SYT17: variants seen among roughly 807,000 people sequenced by gnomAD.
The protein encoded by SYT17 is synaptotagmin 17.
A neutral mutation model predicts 46.7 loss-of-function variants in SYT17; 22 were observed. The observed-to-expected ratio is 0.47, with a 90% CI of 0.34 to 0.67. SYT17 has a LOEUF of 0.67. Among genes scored for constraint, SYT17 ranks in the 30% least tolerant of loss-of-function variants. The pLI, the probability that SYT17 is intolerant of heterozygous loss-of-function variation, is 0.01. For missense variants in SYT17, 519 were observed against 612.8 expected, an observed-to-expected ratio of 0.85 and a Z score of 1.62; for synonymous variants, 251 against 248.4, an observed-to-expected ratio of 1.01 and a Z score of -0.10.
Position 19,183,848 on chromosome 16 carries a change from G to T in SYT17, c.652G>T (p.Asp218Tyr). The change falls in exon 5 of 8, where the codon GAT (aspartate) becomes TAT (tyrosine). Residue 218 changes from aspartate to tyrosine, a missense_variant. Transcript: ENST00000355377. The surrounding 1 kb of genome is among the most constrained non-coding windows in gnomAD (Gnocchi z 5.6). ...ARDLPPPISH[D>Y]GSRQDMAHSN... ...GGACCTGCCACCTCCCATCTCCCAC[G>T]ATGGCTCGCGCCAGGACATGGCGCA... The T allele has an allele frequency of 1.2e-6, 2 of 1,614,116 alleles. No individual in the cohort carries two copies. Among genetic ancestry groups the T allele is most frequent in the Non-Finnish European group, 1.7e-6 (2 of 1,180,036 alleles).
At chr16:19,206,401 GGCT>G (rs1965672952) in intron 5 of SYT17, among the ~76,000 whole-genome samples, 1 of 152,196 alleles carries the variant, frequency 6.6e-6, no homozygotes, top group Admixed American at 6.5e-5. Flanking sequence ...TCAGCGGCAT[GGCT>G]GAGGTCACAC....
intron 3 of SYT17, among the ~76,000 whole-genome samples, chr16:19,179,769 A>G (rs1964472911): frequency 6.6e-6 from 1 of 152,142 alleles, no homozygotes; most frequent in South Asian, 2.1e-4. Context: ...CCACCCCTAC[A>G]TCCTCCTTCC....
At chr16:19,264,960 C>T (rs1326247770) in intron 7 of SYT17, among the ~76,000 whole-genome samples, 1 of 152,124 alleles carries the variant, frequency 6.6e-6, no homozygotes, top group Non-Finnish European at 1.5e-5. Flanking sequence ...AGGGAAGTTT[C>T]TGCATTGTCA....
chr16:19,184,167 T>G lies in SYT17; in HGVS notation c.951+20T>G. On this transcript the variant is annotated intron_variant, in intron 5 of 7. Transcript: ENST00000355377. ...TCTCAGGTAAGGGATGGGTTTGTGGTGTTTCCTCCTGGGAGCTTTTTTAAA... is the reference window on the plus strand; with the variant it reads ...TCTCAGGTAAGGGATGGGTTTGTGGGGTTTCCTCCTGGGAGCTTTTTTAAA... 1 of 1,580,946 alleles carries G rather than the reference T, an allele frequency of 6.3e-7. No homozygotes were observed. The highest frequency in any genetic ancestry group is 8.6e-7 in the Non-Finnish European group (1 of 1,161,570).
In SYT17 at chr16:19,252,406, TATATATATACATATATATATAC is replaced by T. The variant is rs1968170789; in HGVS notation, c.1229-14454_1229-14433del. On this transcript the variant is annotated intron_variant, in intron 7 of 7. Coordinates refer to ENST00000355377, the MANE Select transcript of SYT17 (RefSeq NM_016524.4). Reference sequence around the variant, plus strand: ...ATATATATATATACATATATATACATATATATATACATATATATATACATATATATACATATATATACACATA... The same window carrying T: ...ATATATATATATACATATATATACATATATATATACATATATATACACATA... Among the ~76,000 whole-genome samples the T allele has an allele frequency of 1.8e-4, 4 of 22,840 alleles. 1 individual carries two copies. The highest frequency in any genetic ancestry group is 2.6e-4 in the Non-Finnish European group (4 of 15,444). The allele number at this position is 22,840 out of a possible 152,430, so 15.0% of individuals were successfully genotyped here. A position where few individuals can be genotyped will look rare whatever the true frequency, so the allele number is the denominator to read the frequency against.
intron 7 of SYT17, among the ~76,000 whole-genome samples, chr16:19,239,960 C>T (rs1342103776): frequency 6.6e-6 from 1 of 152,240 alleles, no homozygotes; most frequent in African/African-American, 2.4e-5. Context: ...CACTGCGAGG[C>T]TGCGGCTGGA....
chr16:19,195,532 AT>A (rs1442936580), intron 5 of SYT17, among the ~76,000 whole-genome samples: 1 of 152,084 alleles, frequency 6.6e-6, no homozygotes, highest in Non-Finnish European at 1.5e-5. Context: ...CCTGGCCAAC[AT>A]GGTGAAACCT....
chr16:19,249,363 C>T (rs1967859846), intron 7 of SYT17, among the ~76,000 whole-genome samples: 1 of 152,058 alleles, frequency 6.6e-6, no homozygotes. Flanking sequence ...TACCTGTGTC[C>T]AGCCAACTTG....
At chr16:19,229,229 T>A (rs1341444956) in intron 7 of SYT17, among the ~76,000 whole-genome samples, 1 of 152,118 alleles carries the variant, frequency 6.6e-6, no homozygotes, top group Non-Finnish European at 1.5e-5. Flanking sequence ...ATTGTTACAA[T>A]GAAATACCGA....
chr16:19,202,658 A>G (rs779352366), intron 5 of SYT17, among the ~76,000 whole-genome samples: 12 of 152,164 alleles, frequency 7.9e-5, no homozygotes, highest in Non-Finnish European at 1.8e-4. Flanking sequence ...CTTTCTGAAG[A>G]CCAGTCCCAT....
At chr16:19,209,012 C>T (rs1965785079) in intron 5 of SYT17, among the ~76,000 whole-genome samples, 2 of 145,820 alleles carry the variant, frequency 1.4e-5, no homozygotes, top group African/African-American at 2.5e-5. Context: ...GGATTACAGA[C>T]ACCCACCACC....
intron 7 of SYT17, among the ~76,000 whole-genome samples, chr16:19,227,104 C>A (rs2142888376): frequency 6.6e-6 from 1 of 152,248 alleles, no homozygotes; most frequent in Middle Eastern, 3.4e-3. Flanking sequence ...CAGGACACTT[C>A]ACAGGATTGT....
At position 19,267,362 on chromosome 16, in the gene SYT17, G is replaced by T; in HGVS notation, c.*286G>T. ...CTCTGCCGTGGGACTTATTGGCAGT[G>T]CCTGCTCTTGTCAATACTCCTGCCC... is the stretch of plus-strand genomic sequence containing the variant. On this transcript the variant is annotated 3_prime_UTR_variant, in exon 8 of 8. Coordinates refer to ENST00000355377, the MANE Select transcript of SYT17 (RefSeq NM_016524.4). 2 of 284,674 alleles carry T rather than the reference G, an allele frequency of 7.0e-6. No homozygotes were observed. Among genetic ancestry groups the T allele is most frequent in the East Asian group, 1.3e-4 (2 of 14,830 alleles). 17.6% of individuals were successfully genotyped at this position (284,674 alleles called of 1,614,324 possible).
At chr16:19,184,252 T>A (rs953015725) in intron 5 of SYT17, 105 bp downstream of exon 5, 1 of 1,425,748 alleles carries the variant, frequency 7.0e-7, no homozygotes, top group African/African-American at 1.4e-5. Flanking sequence ...TTTAAAACTT[T>A]TTATTTTGAA....
chr16:19,207,885 G>C (rs543364006), intron 5 of SYT17, among the ~76,000 whole-genome samples: 21 of 151,968 alleles, frequency 1.4e-4, no homozygotes, highest in African/African-American at 4.6e-4. Flanking sequence ...GTGACACAGT[G>C]AGACCCCGTC....
rs147295282 is a variant in SYT17, at chr16:19,200,409, T to C, written c.951+16262T>C. On this transcript the variant is annotated intron_variant, in intron 5 of 7. Coordinates refer to ENST00000355377, the MANE Select transcript of SYT17 (RefSeq NM_016524.4). ...CACAAGTCATCAAAGTAAAATATTA[T>C]TGATGTGAAATTTTACATTCATTTT... Among the ~76,000 whole-genome samples, 41 of 152,386 alleles carry C rather than the reference T, an allele frequency of 2.7e-4. No homozygotes were observed. The East Asian group carries it at 7.7e-3, about 29-fold the overall frequency.
chr16:19,204,012 C>T (rs779158456), intron 5 of SYT17, among the ~76,000 whole-genome samples: 19 of 152,098 alleles, frequency 1.2e-4, no homozygotes, highest in Non-Finnish European at 2.4e-4. Context: ...GGATGGGAGC[C>T]GTTACAAGAC....
chr16:19,237,681 AGTCACAGAGCT>A (rs1352594640), intron 7 of SYT17, among the ~76,000 whole-genome samples: 1 of 152,262 alleles, frequency 6.6e-6, no homozygotes, highest in Non-Finnish European at 1.5e-5. Context: ...CTGCAGGAGC[AGTCACAGAGCT>A]GTCACACTGC....
Position 19,253,729 on chromosome 16 carries a change from C to CA in SYT17, c.1229-13151_1229-13150insA, listed in dbSNP as rs1968358838. ...CACCTCTGGACTCTCTTTCAATTCT[C>CA]TTTTTTTTTCTTCTTGAGACGGAGT... is the stretch of plus-strand genomic sequence containing the variant. On this transcript the variant is annotated intron_variant, in intron 7 of 7. Transcript: ENST00000355377. 2.0e-5 allele frequency among the ~76,000 whole-genome samples: 3 copies of CA among 151,510 alleles called. No individual in the cohort carries two copies. The South Asian group carries it at 6.3e-4, about 32-fold the overall frequency.
Sources: allele counts gnomAD v4.1 joint callset (sites outside exome capture counted in the v4.1 genomes callset), GRCh38; gene constraint gnomAD v4.1.1; non-coding constraint Gnocchi (gnomAD v3.1); transcripts MANE v1.5; gene names NCBI Gene and HGNC (gene_info 2026-07-23, HGNC 2026-07-21).